PABPC4L: variants seen among roughly 807,000 people sequenced by gnomAD.
The protein encoded by PABPC4L is polyadenylate-binding protein 4-like.
For missense variants in PABPC4L, 452 were observed against 451.4 expected, an observed-to-expected ratio of 1.00 and a Z score of -0.01; for synonymous variants, 169 against 164.1, an observed-to-expected ratio of 1.03 and a Z score of -0.23.
the PABPC4L span, among the ~76,000 whole-genome samples, chr4:134,111,411 AG>A: frequency 6.6e-6 from 1 of 152,000 alleles, no homozygotes; most frequent in Non-Finnish European, 1.5e-5. Context: ...ATATAGATAT[AG>A]ATGATATAGC....
the PABPC4L span, among the ~76,000 whole-genome samples, chr4:134,191,296 T>C: frequency 6.6e-6 from 1 of 152,114 alleles, no homozygotes; most frequent in African/African-American, 2.4e-5. Flanking sequence ...AGACGGAAAA[T>C]TAAAAAGGAA....
In PABPC4L at chr4:134,201,212, A is replaced by C; in HGVS notation, c.-193T>G. ...CCCTCATCCAAAAGTCCCCACAGCCACCAATCTGGCCCTCCTAGGACGCGG... is the reference window on the plus strand; with the variant it reads ...CCCTCATCCAAAAGTCCCCACAGCCCCCAATCTGGCCCTCCTAGGACGCGG... On this transcript the variant is annotated 5_prime_UTR_variant, in exon 2 of 2. Coordinates refer to ENST00000421491, the MANE Select transcript of PABPC4L (RefSeq NM_001114734.2). The C allele has an allele frequency of 6.5e-7, 1 of 1,544,050 alleles. No homozygotes were observed.
the PABPC4L span, among the ~76,000 whole-genome samples, chr4:133,997,976 C>T: frequency 6.6e-6 from 1 of 151,510 alleles, no homozygotes. Context: ...TTTTAATTTT[C>T]AGTACCATTT....
At chr4:134,178,029 T>A in the PABPC4L span, among the ~76,000 whole-genome samples, 1 of 152,012 alleles carries the variant, frequency 6.6e-6, no homozygotes, top group South Asian at 2.1e-4. Flanking sequence ...CCATCCCTAT[T>A]TCTGGTAGCC....
At chr4:134,106,652 G>T in the PABPC4L span, among the ~76,000 whole-genome samples, 1 of 151,478 alleles carries the variant, frequency 6.6e-6, no homozygotes, top group Non-Finnish European at 1.5e-5. Flanking sequence ...GTAATCAATA[G>T]AAAAAATTGG....
chr4:134,097,029 C>CAACATGTTCAATGGG, the PABPC4L span, among the ~76,000 whole-genome samples: 1 of 151,874 alleles, frequency 6.6e-6, no homozygotes, highest in East Asian at 1.9e-4. Flanking sequence ...TCAATGGGAA[C>CAACATGTTCAATGGG]AATCTGGAGG....
At chr4:133,952,596 G>A in the PABPC4L span, among the ~76,000 whole-genome samples, 1 of 151,966 alleles carries the variant, frequency 6.6e-6, no homozygotes, top group African/African-American at 2.4e-5. Flanking sequence ...AATGAATATG[G>A]GATATTCTTT....
chr4:133,997,687 T>C, the PABPC4L span, among the ~76,000 whole-genome samples: 1 of 152,120 alleles, frequency 6.6e-6, no homozygotes, highest in Non-Finnish European at 1.5e-5. Flanking sequence ...ATTTCAACTC[T>C]CATGGAATGA....
the PABPC4L span, among the ~76,000 whole-genome samples, chr4:134,008,709 C>T: frequency 2.0e-5 from 3 of 151,732 alleles, no homozygotes; most frequent in Admixed American, 2.0e-4. Context: ...AAGTATGTAG[C>T]AAGAATTTCT....
chr4:133,952,904 A>C, the PABPC4L span, among the ~76,000 whole-genome samples: 1 of 151,998 alleles, frequency 6.6e-6, no homozygotes, highest in East Asian at 1.9e-4. Flanking sequence ...GGAAACTAAA[A>C]TCCCTCCCCC....
chr4:133,992,904 T>G, the PABPC4L span, among the ~76,000 whole-genome samples: 1 of 152,108 alleles, frequency 6.6e-6, no homozygotes. Context: ...TGTCTGGGAC[T>G]GTGGGTCTTG....
At chr4:134,023,683 G>A in the PABPC4L span, among the ~76,000 whole-genome samples, 1 of 151,906 alleles carries the variant, frequency 6.6e-6, no homozygotes, top group South Asian at 2.1e-4. Flanking sequence ...AGAAACAAAA[G>A]AGGGTGTTTT....
chr4:134,152,953 T>A, the PABPC4L span, among the ~76,000 whole-genome samples: 1 of 151,962 alleles, frequency 6.6e-6, no homozygotes, highest in Non-Finnish European at 1.5e-5. Context: ...AGAGGGGTGA[T>A]GCTAGCTTAT....
At chr4:134,162,269 A>G in the PABPC4L span, among the ~76,000 whole-genome samples, 959 of 152,162 alleles carry the variant, frequency 6.3e-3, 8 homozygotes, top group African/African-American at 0.022. Flanking sequence ...AGTAAAACCA[A>G]ACAAAGAAGG....
chr4:134,146,363 A>G, the PABPC4L span, among the ~76,000 whole-genome samples: 1 of 151,900 alleles, frequency 6.6e-6, no homozygotes, highest in African/African-American at 2.4e-5. Flanking sequence ...TTTTTTCTAT[A>G]TAAGAAATTA....
the PABPC4L span, among the ~76,000 whole-genome samples, chr4:134,131,917 C>A: frequency 6.6e-6 from 1 of 151,696 alleles, no homozygotes; most frequent in Admixed American, 6.6e-5. Context: ...ACTCAAATAC[C>A]TACAGCTAAC....
At chr4:134,147,519 T>G in the PABPC4L span, among the ~76,000 whole-genome samples, 17 of 152,274 alleles carry the variant, frequency 1.1e-4, no homozygotes, top group South Asian at 4.1e-4. Context: ...AGGGGTTTAT[T>G]ATATAGGAGA....
At chr4:134,112,463 C>T in the PABPC4L span, among the ~76,000 whole-genome samples, 244 of 151,926 alleles carry the variant, frequency 1.6e-3, 2 homozygotes, top group Admixed American at 3.3e-3. Flanking sequence ...AATCTATTGA[C>T]CAATTTGAAG....
At chr4:134,170,632 A>T in the PABPC4L span, among the ~76,000 whole-genome samples, 1 of 152,190 alleles carries the variant, frequency 6.6e-6, no homozygotes, top group South Asian at 2.1e-4. Flanking sequence ...GGTGCTGCAC[A>T]CATTTAAACA....
Sources: allele counts gnomAD v4.1 joint callset (sites outside exome capture counted in the v4.1 genomes callset), GRCh38; gene constraint gnomAD v4.1.1; transcripts MANE v1.5; gene names NCBI Gene and HGNC (gene_info 2026-07-23, HGNC 2026-07-21).